Variants in ABLIM1 observed in about 807,000 individuals in gnomAD.
ABLIM1 encodes the protein actin binding LIM protein 1.
ABLIM1 carries 40 observed loss-of-function variants against 107.0 expected under a neutral mutation model. The observed-to-expected ratio is 0.37, with a 90% CI of 0.29 to 0.49. The LOEUF is 0.49. Among genes scored for constraint, ABLIM1 ranks in the 20% least tolerant of loss-of-function variants. The pLI is 0.97. For synonymous variants in ABLIM1, 357 were observed against 357.3 expected, an observed-to-expected ratio of 1.00 and a Z score of 0.01; for missense variants, 857 against 1,008.5, an observed-to-expected ratio of 0.85 and a Z score of 2.04.
chr10:114,517,613 G>A (rs1032528544), intron 6 of ABLIM1, among the ~76,000 whole-genome samples: 7 of 151,634 alleles, frequency 4.6e-5, no homozygotes, highest in African/African-American at 7.3e-5. Flanking sequence ...TTAAAGGGCG[G>A]GGAGGGGGGC....
At chr10:114,589,554 GA>G (rs1214345647) in intron 2 of ABLIM1, among the ~76,000 whole-genome samples, 2 of 151,068 alleles carry the variant, frequency 1.3e-5, no homozygotes, top group South Asian at 2.1e-4. Context: ...GAGAGAGAGA[GA>G]GGGGCTTGGT....
intron 1 of ABLIM1, among the ~76,000 whole-genome samples, chr10:114,714,247 C>T (rs1263650828): frequency 1.3e-5 from 2 of 152,154 alleles, no homozygotes; most frequent in Non-Finnish European, 2.9e-5. Context: ...TCAGACTGAA[C>T]ATCTCATTTT....
chr10:114,496,448 A>T (rs1197473278), intron 6 of ABLIM1, among the ~76,000 whole-genome samples: 3 of 151,538 alleles, frequency 2.0e-5, no homozygotes, highest in Non-Finnish European at 4.4e-5. Flanking sequence ...GAGCTGAACA[A>T]TGAGAACACA....
chr10:114,593,024 G>A (rs1341013475), intron 2 of ABLIM1, among the ~76,000 whole-genome samples: 1 of 26,068 alleles, frequency 3.8e-5, no homozygotes, highest in Admixed American at 3.9e-4. Context: ...ACTGGATGAG[G>A]TCACTCTGAG....
intron 5 of ABLIM1, 166 bp downstream of exon 5, chr10:114,547,484 A>T: frequency 4.8e-6 from 4 of 841,668 alleles, no homozygotes; most frequent in Non-Finnish European, 7.1e-6. Context: ...AAGGCAAAAG[A>T]ATACAATTCT....
chr10:114,785,187 A>G, the ABLIM1 span, among the ~76,000 whole-genome samples: 1 of 152,248 alleles, frequency 6.6e-6, no homozygotes, highest in East Asian at 1.9e-4. Context: ...TCTGTGAACT[A>G]AAACACCTAA....
intron 1 of ABLIM1, among the ~76,000 whole-genome samples, chr10:114,754,419 G>A (rs990245530): frequency 6.6e-6 from 1 of 152,168 alleles, no homozygotes; most frequent in Admixed American, 6.5e-5. Flanking sequence ...GTAATATTTG[G>A]TCCCTGGCTT....
At chr10:114,674,289 C>CAA (rs58116385) in intron 1 of ABLIM1, among the ~76,000 whole-genome samples, 1,405 of 84,544 alleles carry the variant, frequency 0.017, 32 homozygotes, top group African/African-American at 0.04. Flanking sequence ...GACTCTGTCA[C>CAA]AAAAAAAAAA....
intron 2 of ABLIM1, among the ~76,000 whole-genome samples, chr10:114,587,380 A>G (rs964023573): frequency 1.3e-4 from 20 of 152,186 alleles, no homozygotes; most frequent in African/African-American, 4.8e-4. Context: ...ATATCATTCT[A>G]TTCTATATAA....
At chr10:114,578,782 TTTC>T (rs2072970653) in intron 2 of ABLIM1, among the ~76,000 whole-genome samples, 1 of 96,224 alleles carries the variant, frequency 1.0e-5, no homozygotes, top group African/African-American at 3.6e-5. Flanking sequence ...CTTTCTTTCT[TTTC>T]TTTTTTTTTT....
intron 1 of ABLIM1, among the ~76,000 whole-genome samples, chr10:114,676,805 G>C (rs543307910): frequency 1.3e-5 from 2 of 152,062 alleles, no homozygotes; most frequent in Non-Finnish European, 2.9e-5. Context: ...GCATGATCTC[G>C]ACTCACTGCA....
At chr10:114,704,548 C>T (rs1222034996) in intron 1 of ABLIM1, among the ~76,000 whole-genome samples, 1 of 139,074 alleles carries the variant, frequency 7.2e-6, no homozygotes, top group East Asian at 2.2e-4. Context: ...TCAAGCTTTC[C>T]TTAAATTGGT....
At chr10:114,636,465 G>T (rs939685286) in intron 1 of ABLIM1, among the ~76,000 whole-genome samples, 2 of 152,182 alleles carry the variant, frequency 1.3e-5, no homozygotes, top group Non-Finnish European at 2.9e-5. Context: ...ATTGCCTCCT[G>T]CCTCCATTTG....
chr10:114,618,448 C>T (rs1201338527), intron 1 of ABLIM1, among the ~76,000 whole-genome samples: 1 of 152,150 alleles, frequency 6.6e-6, no homozygotes, highest in Non-Finnish European at 1.5e-5. Flanking sequence ...TGGGTGTTCT[C>T]AGTATTGTTT....
intron 1 of ABLIM1, among the ~76,000 whole-genome samples, chr10:114,663,403 T>C (rs949200268): frequency 2.6e-5 from 4 of 152,246 alleles, no homozygotes; most frequent in African/African-American, 9.6e-5. Flanking sequence ...TCACCCTGTT[T>C]CCTTTACATG....
rs536897854 is a variant in ABLIM1 at position 114,666,015 on chromosome 10, A to G, written c.64+18275T>C. On this transcript the variant is annotated intron_variant, in intron 1 of 23. Transcript: ENST00000369256. ...CAGAGAGACAATACCTTTTCTAACA[A>G]TGGAGAACTTTCTGCTGTCTTCCCA... 7.9e-5 allele frequency among the ~76,000 whole-genome samples: 12 copies of G among 152,346 alleles called. No individual in the cohort carries two copies. The South Asian group carries it at 1.2e-3, about 16-fold the overall frequency.
chr10:114,555,960 GGTT>G (rs2068675770), intron 4 of ABLIM1, among the ~76,000 whole-genome samples: 1 of 152,024 alleles, frequency 6.6e-6, no homozygotes, highest in East Asian at 1.9e-4. Flanking sequence ...TTCAGATTTA[GGTT>G]GTTATTAATA....
chr10:114,740,006 C>G (rs1203686996), intron 1 of ABLIM1, among the ~76,000 whole-genome samples: 1 of 152,046 alleles, frequency 6.6e-6, no homozygotes, highest in Non-Finnish European at 1.5e-5. Flanking sequence ...ATAGCCATTT[C>G]TTAAATAACA....
chr10:114,715,379 A>C (rs899152676), intron 1 of ABLIM1, among the ~76,000 whole-genome samples: 5 of 152,196 alleles, frequency 3.3e-5, no homozygotes, highest in Admixed American at 6.5e-5. Flanking sequence ...TCCAAGTAAA[A>C]TCAGTTGCTA....
Sources: gnomAD v4.1 joint callset for allele counts (sites outside exome capture counted in the v4.1 genomes callset) on GRCh38, gnomAD v4.1.1 for gene constraint, MANE v1.5 for transcripts, NCBI Gene and HGNC (gene_info 2026-07-23, HGNC 2026-07-21) for gene names.